Variants in TTC28 observed in about 807,000 individuals in gnomAD.
The protein encoded by TTC28 is tetratricopeptide repeat domain 28.
Under a neutral mutation model 198.0 loss-of-function variants are expected in TTC28, and 61 were observed. That is an observed-to-expected ratio of 0.31 (90% CI 0.25 to 0.38). The LOEUF is 0.38. Ranked by LOEUF, TTC28 falls within the 10% of genes least tolerant of loss-of-function variation. The probability of loss-of-function intolerance (pLI) is 1.00; values close to 1 mark genes in which losing one functional copy is unlikely to be tolerated. For synonymous variants in TTC28, 1,171 were observed against 1,297.8 expected (o/e 0.90, Z 2.10); for missense variants, 2,678 against 3,164.0 (o/e 0.85, Z 3.69).
intron 5 of TTC28, among the ~76,000 whole-genome samples, chr22:28,283,266 AC>A (rs1247227498): frequency 1.3e-5 from 2 of 152,018 alleles, no homozygotes; most frequent in African/African-American, 4.8e-5. Context: ...TTACCTTTTA[AC>A]CCACTCTCCT....
Position 28,001,400 on chromosome 22 carries a change from T to C in TTC28, c.4372A>G (p.Ile1458Val). The stretch of plus-strand genomic sequence containing the variant: ...TTGGACTGCACGCTGAGGGAGCGGA[T>C]GGAAGGGACAGCAAGGAGGCCGAAG... Reference protein sequence around the residue: ...ERFGLLAVPSIRSLSVQSKSH... With the variant: ...ERFGLLAVPSVRSLSVQSKSH... The change falls in exon 15 of 23, where the codon ATC becomes GTC. Residue 1458 changes from isoleucine to valine, a missense_variant. By Grantham distance (29) the Ile-to-Val change is conservative. Coordinates refer to ENST00000397906, the MANE Select transcript of TTC28 (RefSeq NM_001145418.2). 1 of 1,551,178 alleles carries C rather than the reference T, an allele frequency of 6.4e-7. No individual in the cohort carries two copies. Among genetic ancestry groups the C allele is most frequent in the Non-Finnish European group, 8.7e-7 (1 of 1,146,740 alleles).
At chr22:28,237,276 C>A (rs1245971278) in intron 5 of TTC28, among the ~76,000 whole-genome samples, 1 of 152,124 alleles carries the variant, frequency 6.6e-6, no homozygotes, top group Non-Finnish European at 1.5e-5. Flanking sequence ...CCTAACGTGT[C>A]CACTGCATGT....
intron 2 of TTC28, among the ~76,000 whole-genome samples, chr22:28,392,670 C>T (rs2046749229): frequency 1.3e-5 from 2 of 152,154 alleles, no homozygotes; most frequent in South Asian, 2.1e-4. Context: ...TTGCGCTTCC[C>T]GAGTGAGGCA....
intron 2 of TTC28, among the ~76,000 whole-genome samples, chr22:28,541,491 C>CTT (rs2049410325): frequency 6.6e-6 from 1 of 152,062 alleles, no homozygotes; most frequent in Admixed American, 6.5e-5. Context: ...CAGAACAAAG[C>CTT]CAAACACTTT....
At chr22:28,436,140 A>C (rs2047517136) in intron 2 of TTC28, among the ~76,000 whole-genome samples, 1 of 152,242 alleles carries the variant, frequency 6.6e-6, no homozygotes, top group South Asian at 2.1e-4. Flanking sequence ...CTAATGAATA[A>C]GTCACCCTCA....
At chr22:28,423,775 T>C (rs548557041) in intron 2 of TTC28, among the ~76,000 whole-genome samples, 4 of 152,276 alleles carry the variant, frequency 2.6e-5, no homozygotes, top group African/African-American at 9.6e-5. Context: ...ACACTAGCAG[T>C]AATCCAAATG....
chr22:28,165,323 G>A (rs1290217161), intron 5 of TTC28, among the ~76,000 whole-genome samples: 3 of 152,088 alleles, frequency 2.0e-5, no homozygotes, highest in Non-Finnish European at 4.4e-5. Context: ...AGGAAATACA[G>A]AGAACACCAC....
At chr22:28,456,532 A>G (rs1376967515) in intron 2 of TTC28, among the ~76,000 whole-genome samples, 3 of 152,192 alleles carry the variant, frequency 2.0e-5, no homozygotes, top group Admixed American at 2.0e-4. Flanking sequence ...TCCTCCCCCA[A>G]AAAAGGTTAA....
chr22:28,186,302 T>C (rs1233066713), intron 5 of TTC28, among the ~76,000 whole-genome samples: 1 of 152,164 alleles, frequency 6.6e-6, no homozygotes, highest in Non-Finnish European at 1.5e-5. Flanking sequence ...ATTTGATTAA[T>C]AGTATCCTCA....
chr22:28,122,024 C>G (rs149582203), intron 6 of TTC28, among the ~76,000 whole-genome samples: 1 of 152,084 alleles, frequency 6.6e-6, no homozygotes, highest in Admixed American at 6.6e-5. Context: ...CACGCCACCA[C>G]GCCCAGCTAA....
chr22:28,161,557 G>A (rs1441822202), intron 6 of TTC28, among the ~76,000 whole-genome samples: 1 of 152,028 alleles, frequency 6.6e-6, no homozygotes, highest in Non-Finnish European at 1.5e-5. Context: ...GGGAGGCTGA[G>A]GTGGGAGGAT....
At chr22:28,392,314 C>G (rs2046738514) in intron 2 of TTC28, among the ~76,000 whole-genome samples, 2 of 152,192 alleles carry the variant, frequency 1.3e-5, no homozygotes. Context: ...TGCCCTGCCC[C>G]CAGAGGTGGA....
chr22:28,441,601 C>T (rs2047623000), intron 2 of TTC28, among the ~76,000 whole-genome samples: 1 of 152,120 alleles, frequency 6.6e-6, no homozygotes, highest in Non-Finnish European at 1.5e-5. Context: ...TTCAATTCGC[C>T]AGGCTATGCT....
intron 6 of TTC28, among the ~76,000 whole-genome samples, chr22:28,149,698 G>A (rs1408042567): frequency 5.9e-5 from 9 of 152,134 alleles, no homozygotes; most frequent in Non-Finnish European, 2.9e-5. Context: ...CATCTCCTAT[G>A]ATAACAATAG....
Position 28,107,390 on chromosome 22 carries a change from C to T in TTC28, c.2455G>A (p.Glu819Lys). The T allele has an allele frequency of 1.3e-6, 2 of 1,551,836 alleles. No individual in the cohort carries two copies. The highest frequency in any genetic ancestry group is 1.7e-6 in the Non-Finnish European group (2 of 1,147,040). ...AGCTTTTGCCCTAGATCCAGTTGCT[C>T]TTCATAACACTTGAATGCCATTGTG... ...KYTMAFKCYE[E>K]QLDLGQKLKD... The change falls in exon 7 of 23, where the codon GAG becomes AAG. Residue 819 changes from glutamate to lysine, a missense_variant. Glu to Lys is a moderately conservative substitution (Grantham distance 56). Around this residue, in one of 8 missense-constraint regions of TTC28, gnomAD observed 775 missense variants for 845.9 expected, o/e 0.92. Transcript: ENST00000397906.
intron 5 of TTC28, among the ~76,000 whole-genome samples, chr22:28,202,903 GA>G (rs1398354219): frequency 1.3e-5 from 2 of 151,794 alleles, no homozygotes; most frequent in African/African-American, 4.8e-5. Flanking sequence ...TTTTTTTAAA[GA>G]AAAATAAACA....
chr22:28,605,763 A>G (rs17506498), intron 2 of TTC28, among the ~76,000 whole-genome samples: 2,794 of 152,336 alleles, frequency 0.018, 48 homozygotes, highest in Non-Finnish European at 0.027. Flanking sequence ...ATTATGTGTA[A>G]ATTGCCAGAG....
chr22:28,107,354 T>C lies in TTC28; in HGVS notation c.2491A>G (p.Ser831Gly), dbSNP rs918903111. The C allele has an allele frequency of 5.8e-6, 9 of 1,551,858 alleles. No homozygotes were observed. Among genetic ancestry groups the C allele is most frequent in the Admixed American group, 3.9e-5 (2 of 50,990 alleles). ...LDLGQKLKDP[S>G]LEAQVYGNMG... ...TTGCCATAGACCTGGGCTTCCAGAC[T>C]CGGATCCTTCAGCTTTTGCCCTAGA... Residue 831 changes from serine (S) to glycine (G), a missense_variant, in exon 7 of 23, where the codon AGT becomes GGT. Physicochemically the swap from Ser to Gly is moderately conservative, Grantham distance 56. This residue lies in a region of TTC28 where 775 missense variants were observed against 845.9 expected (regional missense o/e 0.92). Transcript: ENST00000397906.
At chr22:28,467,401 G>T (rs2048037020) in intron 2 of TTC28, among the ~76,000 whole-genome samples, 1 of 152,162 alleles carries the variant, frequency 6.6e-6, no homozygotes, top group South Asian at 2.1e-4. Context: ...TCCAGCCTAG[G>T]TGACAAAATG....
Sources: gnomAD v4.1 joint callset for allele counts (sites outside exome capture counted in the v4.1 genomes callset) on GRCh38, gnomAD v4.1.1 for gene constraint, gnomAD v4.1.1 regional missense constraint, MANE v1.5 for transcripts, NCBI Gene and HGNC (gene_info 2026-07-23, HGNC 2026-07-21) for gene names.